Variants in FBN1 observed in about 807,000 individuals in gnomAD.
FBN1 encodes the protein fibrillin 1, also known as fibrillin-1.
FBN1 carries 29 observed loss-of-function variants against 365.1 expected under a neutral mutation model. That is an observed-to-expected ratio of 0.08 (90% CI 0.06 to 0.11). The LOEUF is 0.11. Ranked by LOEUF, FBN1 falls within the 10% of genes least tolerant of loss-of-function variation. The pLI, the probability that FBN1 is intolerant of heterozygous loss-of-function variation, is 1.00. For synonymous variants in FBN1, 1,210 were observed against 1,270.5 expected, an observed-to-expected ratio of 0.95 and a Z score of 1.01; for missense variants, 2,476 against 3,703.2, an observed-to-expected ratio of 0.67 and a Z score of 8.60.
Position 48,589,609 on chromosome 15 carries a change from C to CTTTTTTTTT in FBN1, c.538+6665_538+6673dup, listed in dbSNP as rs756647308. Among the ~76,000 whole-genome samples the CTTTTTTTTT allele has an allele frequency of 7.4e-5, 8 of 108,720 alleles. 1 individual carries two copies. Among genetic ancestry groups the CTTTTTTTTT allele is most frequent in the African/African-American group, 3.0e-4 (7 of 23,568 alleles). The allele number at this position is 108,720 out of a possible 152,430, so 71.3% of individuals were successfully genotyped here. ...CCTGCTATCTACACATTGTTACTTT[C>CTTTTTTTTT]TTTTTTTTTTTTTTTTTTTTTTGAG... On this transcript the variant is annotated intron_variant, in intron 6 of 65. Coordinates refer to ENST00000316623, the MANE Select transcript of FBN1 (RefSeq NM_000138.5).
At chr15:48,439,819 G>A (rs1211714174) in intron 50 of FBN1, among the ~76,000 whole-genome samples, 1 of 152,090 alleles carries the variant, frequency 6.6e-6, no homozygotes, top group African/African-American at 2.4e-5. Flanking sequence ...AGTCTAAGTG[G>A]CAAATTCTCT....
At chr15:48,438,063 G>A (rs544313554) in intron 50 of FBN1, 146 bp from the exon 51 acceptor site, 6 of 856,966 alleles carry the variant, frequency 7.0e-6, no homozygotes, top group Non-Finnish European at 1.2e-5. Context: ...AATGGTAACT[G>A]AGCTGAGATT....
chr15:48,524,898 T>A (rs913542768), intron 9 of FBN1, among the ~76,000 whole-genome samples: 3 of 152,206 alleles, frequency 2.0e-5, no homozygotes, highest in Admixed American at 6.5e-5. Flanking sequence ...ATGGATACAT[T>A]TGATAAAAAG....
intron 42 of FBN1, among the ~76,000 whole-genome samples, chr15:48,461,060 T>A (rs1006820777): frequency 6.6e-6 from 1 of 152,212 alleles, no homozygotes; most frequent in African/African-American, 2.4e-5. Flanking sequence ...TTGGTCACGC[T>A]CAGTGAAAAT....
At chr15:48,623,325 A>C (rs1157452605) in intron 2 of FBN1, among the ~76,000 whole-genome samples, 1 of 152,238 alleles carries the variant, frequency 6.6e-6, no homozygotes, top group Non-Finnish European at 1.5e-5. Flanking sequence ...ACGTCTTTGA[A>C]AGGCTACATA....
chr15:48,456,581 A>G, intron 44 of FBN1, 56 bp downstream of exon 44: 1 of 1,583,454 alleles, frequency 6.3e-7, no homozygotes, highest in East Asian at 2.2e-5. Context: ...AGTGTGTATC[A>G]AGTAGCTCAT....
At chr15:48,536,453 T>C (rs1443635451) in intron 7 of FBN1, among the ~76,000 whole-genome samples, 1 of 152,160 alleles carries the variant, frequency 6.6e-6, no homozygotes, top group Non-Finnish European at 1.5e-5. Context: ...AGTTCATGGG[T>C]ATTAGCTAAC....
At chr15:48,547,479 C>T (rs1443229369) in intron 6 of FBN1, among the ~76,000 whole-genome samples, 3 of 152,146 alleles carry the variant, frequency 2.0e-5, no homozygotes, top group Non-Finnish European at 4.4e-5. Context: ...TCCATGATAG[C>T]ATCAATTCTG....
At chr15:48,521,815 T>C (rs1449905634) in intron 9 of FBN1, among the ~76,000 whole-genome samples, 3 of 152,232 alleles carry the variant, frequency 2.0e-5, no homozygotes. Context: ...AATTAAATTT[T>C]GAAAAGCAAA....
intron 50 of FBN1, among the ~76,000 whole-genome samples, chr15:48,438,753 T>C (rs545112142): frequency 6.6e-6 from 1 of 152,208 alleles, no homozygotes; most frequent in Non-Finnish European, 1.5e-5. Flanking sequence ...CTACTTCCTA[T>C]AAAATTCTCC....
intron 13 of FBN1, among the ~76,000 whole-genome samples, chr15:48,511,659 T>A (rs1225612778): frequency 1.3e-5 from 2 of 152,220 alleles, no homozygotes. Context: ...CACAGCCTTT[T>A]GGACCATTCT....
intron 6 of FBN1, among the ~76,000 whole-genome samples, chr15:48,570,243 T>C (rs1482240042): frequency 6.6e-6 from 1 of 152,188 alleles, no homozygotes; most frequent in Non-Finnish European, 1.5e-5. Flanking sequence ...AGCCATTTTT[T>C]CCAAACTAAT....
chr15:48,430,724 A>C lies in FBN1; in HGVS notation c.6818T>G (p.Met2273Arg). Residue 2273 changes from methionine to arginine, a missense_variant, in exon 56 of 66, where the codon ATG becomes AGG. Physicochemically the swap from Met to Arg is moderately conservative, Grantham distance 91. Around this residue, in one of 5 missense-constraint regions of FBN1, gnomAD observed 1,780 missense variants for 2,840.8 expected, o/e 0.63. Transcript: ENST00000316623. Reference sequence around the variant, plus strand: ...CTGATACCCGGGTCCACAGATGCACATATATGTGCCAATGAGGTTCTTGCA... The same window carrying C: ...CTGATACCCGGGTCCACAGATGCACCTATATGTGCCAATGAGGTTCTTGCA... ...MECKNLIGTY[M>R]CICGPGYQRR... is the part of the protein sequence containing the mutation. 6.2e-7 allele frequency: 1 copy of C among 1,613,930 alleles called. No homozygotes were observed. The highest frequency in any genetic ancestry group is 8.5e-7 in the Non-Finnish European group (1 of 1,179,836).
At chr15:48,547,963 C>T (rs868041578) in intron 6 of FBN1, among the ~76,000 whole-genome samples, 8 of 152,058 alleles carry the variant, frequency 5.3e-5, no homozygotes, top group East Asian at 1.9e-4. Flanking sequence ...GTGAGTGAAC[C>T]GTGCAAAAGA....
At chr15:48,417,576 T>G (rs1379816850) in intron 63 of FBN1, among the ~76,000 whole-genome samples, 1 of 151,900 alleles carries the variant, frequency 6.6e-6, no homozygotes, top group Non-Finnish European at 1.5e-5. Context: ...ATCTTTTGTA[T>G]CCAAAGACCT....
intron 63 of FBN1, among the ~76,000 whole-genome samples, chr15:48,416,063 A>G (rs1191692154): frequency 6.6e-6 from 1 of 152,222 alleles, no homozygotes; most frequent in Non-Finnish European, 1.5e-5. Flanking sequence ...TCCAGTTCTC[A>G]TCAGAAGTCA....
In FBN1 at chr15:48,472,579, C is replaced by T. The variant is rs1335662919; in HGVS notation, c.4308G>A (p.Val1436=). The change falls in exon 35 of 66, where the codon GTG becomes GTA. Residue 1436 remains valine (V), a synonymous_variant. Coordinates refer to ENST00000316623, the MANE Select transcript of FBN1 (RefSeq NM_000138.5). The stretch of plus-strand genomic sequence containing the variant: ...CACAGGCTTTCCCGTCAGCACTGGG[C>T]ACGAAGCCCATGTCGCATTCACAGC... ...GYRCECDMGF[V]PSADGKACED... 9 of 1,614,016 alleles carry T rather than the reference C, an allele frequency of 5.6e-6. No homozygotes were observed. The highest frequency in any genetic ancestry group is 5.5e-5 in the South Asian group (5 of 91,088).
intron 4 of FBN1, among the ~76,000 whole-genome samples, chr15:48,600,594 C>A (rs1245916491): frequency 1.3e-5 from 2 of 152,176 alleles, no homozygotes; most frequent in African/African-American, 4.8e-5. Context: ...ATCCCAGCCA[C>A]TCCGGAGGCT....
At chr15:48,427,819 G>A (rs752693242) in intron 57 of FBN1, 46 bp from the exon 58 acceptor site, 4 of 1,567,834 alleles carry the variant, frequency 2.6e-6, no homozygotes, top group South Asian at 2.2e-5. Flanking sequence ...GAAATTTTAA[G>A]AGCAAACAAA....
Sources: allele counts gnomAD v4.1 joint callset (sites outside exome capture counted in the v4.1 genomes callset), GRCh38; gene constraint gnomAD v4.1.1; regional missense constraint gnomAD v4.1.1; transcripts MANE v1.5; gene names NCBI Gene and HGNC (gene_info 2026-07-23, HGNC 2026-07-21).